Variants in ZNF385D observed in about 807,000 individuals in gnomAD.
The protein encoded by ZNF385D is zinc finger protein 659.
Under a neutral mutation model 35.8 loss-of-function variants are expected in ZNF385D, and 15 were observed. That is an observed-to-expected ratio of 0.42 (90% confidence interval 0.28 to 0.64). The LOEUF is 0.64. Ranked by LOEUF, ZNF385D falls within the 30% of genes least tolerant of loss-of-function variation. The pLI is 0.23. For missense variants in ZNF385D, 474 were observed against 494.6 expected, an observed-to-expected ratio of 0.96 and a Z score of 0.39; for synonymous variants, 212 against 186.8, an observed-to-expected ratio of 1.13 and a Z score of -1.10.
At chr3:21,872,024 A>G (rs1329583087) in intron 3 of ZNF385D, among the ~76,000 whole-genome samples, 1 of 152,072 alleles carries the variant, frequency 6.6e-6, no homozygotes, top group Non-Finnish European at 1.5e-5. Context: ...CCATCATTTT[A>G]TTTAATAATT....
At chr3:21,824,343 T>C (rs1575724390) in intron 3 of ZNF385D, among the ~76,000 whole-genome samples, 1 of 152,200 alleles carries the variant, frequency 6.6e-6, no homozygotes, top group Non-Finnish European at 1.5e-5. Flanking sequence ...TTGAGACACA[T>C]TTGTCCATAT....
chr3:21,834,563 C>G (rs1695204453), intron 3 of ZNF385D, among the ~76,000 whole-genome samples: 1 of 152,142 alleles, frequency 6.6e-6, no homozygotes, highest in Admixed American at 6.5e-5. Flanking sequence ...TTAAATAACA[C>G]TGAGCCTTAC....
chr3:21,835,984 T>TATAG (rs1307241906), intron 3 of ZNF385D, among the ~76,000 whole-genome samples: 2 of 151,964 alleles, frequency 1.3e-5, no homozygotes, highest in African/African-American at 2.4e-5. Flanking sequence ...GTGAATAGTC[T>TATAG]ATAGATGTCT....
intron 3 of ZNF385D, among the ~76,000 whole-genome samples, chr3:21,562,468 G>T (rs1360707340): frequency 1.3e-5 from 2 of 152,054 alleles, no homozygotes. Flanking sequence ...TTGCCTGGAT[G>T]TAAGAGGTGA....
intron 3 of ZNF385D, among the ~76,000 whole-genome samples, chr3:22,114,131 G>A (rs1702686367): frequency 6.6e-6 from 1 of 152,034 alleles, no homozygotes; most frequent in South Asian, 2.1e-4. Context: ...GTAACTGGAT[G>A]AAAACACAAA....
At chr3:22,006,446 G>T (rs1384750736) in intron 3 of ZNF385D, among the ~76,000 whole-genome samples, 1 of 152,046 alleles carries the variant, frequency 6.6e-6, no homozygotes, top group Non-Finnish European at 1.5e-5. Flanking sequence ...GGTGTTCCCA[G>T]AAATGATTTT....
intron 3 of ZNF385D, among the ~76,000 whole-genome samples, chr3:21,764,492 A>C (rs1001627310): frequency 6.6e-6 from 1 of 152,188 alleles, no homozygotes; most frequent in African/African-American, 2.4e-5. Context: ...TCTCTGGTAC[A>C]AGCCACAGTT....
At chr3:22,052,092 G>GT (rs1452229535) in intron 3 of ZNF385D, among the ~76,000 whole-genome samples, 1 of 14,046 alleles carries the variant, frequency 7.1e-5, no homozygotes, top group African/African-American at 2.3e-4. Flanking sequence ...CCTGCAGAGT[G>GT]TTTTCCAACT....
In ZNF385D at chr3:21,602,512, A is replaced by AT. The variant is rs199882061; in HGVS notation, c.166-37829dup. Among the ~76,000 whole-genome samples, 10 of 90,186 alleles carry AT rather than the reference A, an allele frequency of 1.1e-4. 1 individual carries two copies. Among genetic ancestry groups the AT allele is most frequent in the African/African-American group, 1.8e-4 (3 of 17,110 alleles). 59.2% of individuals were successfully genotyped at this position (90,186 alleles called of 152,430 possible). On this transcript the variant is annotated intron_variant, in intron 2 of 7. Coordinates refer to ENST00000281523, the MANE Select transcript of ZNF385D (RefSeq NM_024697.3). Reference sequence around the variant, plus strand: ...GAATTTAGGTCTCCTGTTTCCCTGCATTTTCTTTTTTTTTTTTTTTTTTTT... The same window carrying AT: ...GAATTTAGGTCTCCTGTTTCCCTGCATTTTTCTTTTTTTTTTTTTTTTTTTT...
chr3:21,721,482 AT>A (rs1252677394), intron 1 of ZNF385D, among the ~76,000 whole-genome samples: 1 of 151,998 alleles, frequency 6.6e-6, no homozygotes, highest in Non-Finnish European at 1.5e-5. Context: ...ACAGAGGAAA[AT>A]CCCCATCTTC....
At chr3:21,595,365 C>G (rs1347958306) in intron 2 of ZNF385D, among the ~76,000 whole-genome samples, 1 of 151,568 alleles carries the variant, frequency 6.6e-6, no homozygotes, top group African/African-American at 2.4e-5. Flanking sequence ...ATTATATATA[C>G]TATTATATCC....
chr3:21,554,915 A>G (rs73050469), intron 3 of ZNF385D, among the ~76,000 whole-genome samples: 75 of 152,298 alleles, frequency 4.9e-4, no homozygotes, highest in Non-Finnish European at 9.0e-4. Context: ...TGATTTAAGG[A>G]AATGGTATGG....
intron 3 of ZNF385D, among the ~76,000 whole-genome samples, chr3:21,836,314 A>T (rs2630790): frequency 0.89 from 135,545 of 152,064 alleles, 60,665 homozygotes; most frequent in African/African-American, 0.96. Context: ...ACTTACTCTG[A>T]TCTACTGTTC....
At chr3:21,975,741 A>ATATATATATATATGTG (rs1703572812) in intron 3 of ZNF385D, among the ~76,000 whole-genome samples, 5 of 81,558 alleles carry the variant, frequency 6.1e-5, no homozygotes, top group African/African-American at 9.4e-5. Flanking sequence ...ATATATATAT[A>ATATATATATATATGTG]TATATATATA....
intron 2 of ZNF385D, among the ~76,000 whole-genome samples, chr3:22,217,354 G>T (rs1697952401): frequency 6.6e-6 from 1 of 151,996 alleles, no homozygotes; most frequent in South Asian, 2.1e-4. Context: ...TGTTTCTAAG[G>T]AACTGTGAAC....
At chr3:21,999,371 G>T (rs947996715) in intron 3 of ZNF385D, among the ~76,000 whole-genome samples, 3 of 151,552 alleles carry the variant, frequency 2.0e-5, no homozygotes, top group African/African-American at 7.3e-5. Context: ...AGACAACTTT[G>T]AATGCAATCT....
chr3:22,016,720 T>G (rs1696909483), intron 3 of ZNF385D, among the ~76,000 whole-genome samples: 1 of 152,034 alleles, frequency 6.6e-6, no homozygotes, highest in Non-Finnish European at 1.5e-5. Flanking sequence ...CCAATTTACT[T>G]TGCAGAAGTC....
At chr3:22,311,223 A>C (rs1057282290) in intron 2 of ZNF385D, among the ~76,000 whole-genome samples, 7 of 152,054 alleles carry the variant, frequency 4.6e-5, no homozygotes, top group Non-Finnish European at 1.0e-4. Flanking sequence ...TATTACATGA[A>C]TGCTAATACT....
intron 3 of ZNF385D, among the ~76,000 whole-genome samples, chr3:21,958,326 C>T (rs976309137): frequency 1.3e-5 from 2 of 152,014 alleles, no homozygotes; most frequent in African/African-American, 4.8e-5. Flanking sequence ...GCTGTCAGGC[C>T]AGAGCTTATA....
Sources: allele counts gnomAD v4.1 joint callset (sites outside exome capture counted in the v4.1 genomes callset), GRCh38; gene constraint gnomAD v4.1.1; transcripts MANE v1.5; gene names NCBI Gene and HGNC (gene_info 2026-07-23, HGNC 2026-07-21).